The following ATP9A variants were observed in gnomAD, a reference collection of about 807,000 sequenced individuals.
ATP9A encodes ATPase phospholipid transporting 9A.
In ATP9A, 52 loss-of-function variants were observed where a neutral mutation model predicts 144.1. The ratio of observed to expected loss-of-function variants is 0.36; its 90% CI spans 0.29 to 0.45. ATP9A has a LOEUF of 0.45. Ranked by LOEUF, ATP9A falls within the 20% of genes least tolerant of loss-of-function variation. The probability of loss-of-function intolerance (pLI) is 1.00; values close to 1 mark genes in which losing one functional copy is unlikely to be tolerated. For synonymous variants in ATP9A, 582 were observed against 557.4 expected (o/e 1.04, Z -0.62); for missense variants, 947 against 1,392.7 (o/e 0.68, Z 5.09).
chr20:51,759,271 G>C (rs1340638655), intron 1 of ATP9A, among the ~76,000 whole-genome samples: 1 of 152,212 alleles, frequency 6.6e-6, no homozygotes, highest in African/African-American at 2.4e-5. Flanking sequence ...GCTGAGGAGG[G>C]GGGTGTCTCT....
rs116109140 is a variant in ATP9A, at chr20:51,604,368, C to T, written c.3007+449G>A. On this transcript the variant is annotated intron_variant, in intron 27 of 27. Transcript: ENST00000338821. ...ATTGTATTCTGAGATCCCTGGAGTC[C>T]CTCAGGAGCTCTATCAGGACACAGC... 2.1e-3 allele frequency among the ~76,000 whole-genome samples: 315 copies of T among 152,212 alleles called. 3 individuals carry two copies. The highest frequency in any genetic ancestry group is 7.4e-3 in the African/African-American group (307 of 41,526).
chr20:51,671,939 C>T (rs1475546845), intron 11 of ATP9A, among the ~76,000 whole-genome samples: 1 of 152,116 alleles, frequency 6.6e-6, no homozygotes, highest in Non-Finnish European at 1.5e-5. Context: ...GATGGGATTA[C>T]AGGTGTGTGC....
intron 3 of ATP9A, among the ~76,000 whole-genome samples, chr20:51,717,046 C>G (rs2077665004): frequency 6.6e-6 from 1 of 151,806 alleles, no homozygotes. Context: ...GTGGTGGCCA[C>G]CTGTAATCCC....
chr20:51,753,814 G>A (rs1336437212), intron 1 of ATP9A, among the ~76,000 whole-genome samples: 2 of 150,974 alleles, frequency 1.3e-5, no homozygotes, highest in African/African-American at 2.4e-5. Flanking sequence ...TTACAGGCAT[G>A]TGCCACCATG....
chr20:51,702,667 A>T (rs2077599014), intron 4 of ATP9A, among the ~76,000 whole-genome samples: 1 of 152,064 alleles, frequency 6.6e-6, no homozygotes, highest in African/African-American at 2.4e-5. Context: ...AGTGGTCAGA[A>T]CTGACTCCCA....
chr20:51,717,267 G>T (rs141115757), intron 3 of ATP9A, among the ~76,000 whole-genome samples: 21 of 151,826 alleles, frequency 1.4e-4, no homozygotes, highest in African/African-American at 4.6e-4. Flanking sequence ...TTGAAATGAG[G>T]CAACTTTCAG....
At chr20:51,737,220 C>CT (rs1033288926) in intron 1 of ATP9A, among the ~76,000 whole-genome samples, 3 of 152,196 alleles carry the variant, frequency 2.0e-5, no homozygotes, top group Non-Finnish European at 4.4e-5. Context: ...CACAGCAATA[C>CT]TTTTTTTCCC....
chr20:51,658,937 C>T (rs1036519132), intron 13 of ATP9A, among the ~76,000 whole-genome samples: 1 of 132,922 alleles, frequency 7.5e-6, no homozygotes, highest in African/African-American at 2.9e-5. Context: ...CAAATGCCCT[C>T]GCATCTGATC....
At chr20:51,687,775 AAATG>A (rs1555836823) in intron 9 of ATP9A, among the ~76,000 whole-genome samples, 4 of 147,460 alleles carry the variant, frequency 2.7e-5, no homozygotes, top group Non-Finnish European at 4.5e-5. Flanking sequence ...AAAAAAAAAA[AAATG>A]AATGAATGAA....
At chr20:51,750,970 T>C (rs538010929) in intron 1 of ATP9A, among the ~76,000 whole-genome samples, 1 of 152,026 alleles carries the variant, frequency 6.6e-6, no homozygotes, top group South Asian at 2.1e-4. Context: ...GCAACACACA[T>C]TGGGGTCTAA....
intron 15 of ATP9A, among the ~76,000 whole-genome samples, chr20:51,635,925 G>C (rs1047681490): frequency 4.6e-5 from 7 of 151,202 alleles, no homozygotes; most frequent in African/African-American, 1.7e-4. Context: ...CTTACTCCAG[G>C]GAAATACATT....
At chr20:51,660,295 A>T (rs2077405622) in intron 13 of ATP9A, among the ~76,000 whole-genome samples, 1 of 152,256 alleles carries the variant, frequency 6.6e-6, no homozygotes. Flanking sequence ...TGGATTTTGT[A>T]AAGCAATCTG....
chr20:51,646,715 C>T (rs6063687), intron 14 of ATP9A, among the ~76,000 whole-genome samples: 111,249 of 152,006 alleles, frequency 0.73, 41,771 homozygotes, highest in Middle Eastern at 0.83. Context: ...CTAATTTTGA[C>T]ATAAAATCAA....
In ATP9A at chr20:51,650,195, T is replaced by A. The variant is rs148792525; in HGVS notation, c.1506+6743A>T. Among the ~76,000 whole-genome samples the A allele has an allele frequency of 2.4e-4, 37 of 152,324 alleles. No homozygotes were observed. In the East Asian group the frequency reaches 6.2e-3, roughly 25 times the overall value. On this transcript the variant is annotated intron_variant, in intron 14 of 27. Coordinates refer to ENST00000338821, the MANE Select transcript of ATP9A (RefSeq NM_006045.3). ...AAAAACTGAGCTACTAAAAGCAAAGTGTAAAGCTGCATCTATAATTTACAG... is the reference window on the plus strand; with the variant it reads ...AAAAACTGAGCTACTAAAAGCAAAGAGTAAAGCTGCATCTATAATTTACAG...
chr20:51,743,107 G>A (rs2122891493), intron 1 of ATP9A, among the ~76,000 whole-genome samples: 1 of 152,288 alleles, frequency 6.6e-6, no homozygotes, highest in Admixed American at 6.5e-5. Context: ...AGAAGTGACA[G>A]CCAGCCTCCC....
intron 15 of ATP9A, among the ~76,000 whole-genome samples, chr20:51,631,679 G>A (rs989438307): frequency 2.6e-5 from 4 of 152,240 alleles, no homozygotes; most frequent in East Asian, 1.9e-4. Flanking sequence ...TTTTCCCACC[G>A]TGGTCTGCAT....
intron 13 of ATP9A, among the ~76,000 whole-genome samples, chr20:51,658,671 C>A (rs2077397423): frequency 1.3e-5 from 2 of 151,742 alleles, no homozygotes; most frequent in Non-Finnish European, 2.9e-5. Context: ...AGGCGCCCGC[C>A]ACCAAGCCCT....
intron 5 of ATP9A, among the ~76,000 whole-genome samples, chr20:51,697,151 C>T (rs1014851946): frequency 3.9e-5 from 6 of 152,138 alleles, no homozygotes; most frequent in African/African-American, 7.2e-5. Flanking sequence ...ATAATAAGCA[C>T]ATCGAACAGG....
intron 3 of ATP9A, among the ~76,000 whole-genome samples, chr20:51,716,960 G>C (rs1229610603): frequency 6.6e-6 from 1 of 152,052 alleles, no homozygotes; most frequent in Non-Finnish European, 1.5e-5. Flanking sequence ...GATCACCTGA[G>C]GTCAGGAGTT....
Sources: allele counts gnomAD v4.1 joint callset (sites outside exome capture counted in the v4.1 genomes callset), GRCh38; gene constraint gnomAD v4.1.1; transcripts MANE v1.5; gene names NCBI Gene and HGNC (gene_info 2026-07-23, HGNC 2026-07-21).